Variants in XPNPEP3 observed in about 807,000 individuals in gnomAD.
XPNPEP3 encodes X-prolyl aminopeptidase 3.
XPNPEP3 carries 41 observed loss-of-function variants against 60.0 expected under a neutral mutation model. The ratio of observed to expected loss-of-function variants is 0.68; its 90% CI spans 0.53 to 0.89. XPNPEP3 has a LOEUF of 0.89. Among genes scored for constraint, XPNPEP3 ranks in the 40% least tolerant of loss-of-function variants. The pLI is 0.00. For missense variants in XPNPEP3, 598 were observed against 638.9 expected, an observed-to-expected ratio of 0.94 and a Z score of 0.69; for synonymous variants, 212 against 223.2, an observed-to-expected ratio of 0.95 and a Z score of 0.45.
chr22:40,873,254 G>A (rs1015318422), intron 2 of XPNPEP3, among the ~76,000 whole-genome samples: 3 of 151,170 alleles, frequency 2.0e-5, no homozygotes, highest in Non-Finnish European at 2.9e-5. Context: ...ACACGTGTGC[G>A]CCACCACACC....
At chr22:40,905,166 A>G (rs1407828149) in intron 4 of XPNPEP3, among the ~76,000 whole-genome samples, 3 of 151,226 alleles carry the variant, frequency 2.0e-5, no homozygotes, top group East Asian at 1.9e-4. Flanking sequence ...TGCAACCACT[A>G]TCTCCCAGGT....
At chr22:40,889,015 TTTTG>T (rs1250833926) in intron 4 of XPNPEP3, among the ~76,000 whole-genome samples, 2 of 151,584 alleles carry the variant, frequency 1.3e-5, no homozygotes, top group Admixed American at 6.6e-5. Flanking sequence ...ATGGTTTTTT[TTTTG>T]TTTTGTTTTG....
intron 7 of XPNPEP3, among the ~76,000 whole-genome samples, chr22:40,920,196 C>T (rs2058211093): frequency 6.6e-6 from 1 of 152,012 alleles, no homozygotes; most frequent in South Asian, 2.1e-4. Flanking sequence ...GGCAGAAACC[C>T]ATCTCTACTC....
At position 40,929,403 on chromosome 22, in the gene XPNPEP3, G is replaced by A. The variant is rs2058246979; in HGVS notation, c.*2968G>A. The A allele has an allele frequency of 6.6e-6, 1 of 151,942 alleles. No homozygotes were observed. Among genetic ancestry groups the A allele is most frequent in the South Asian group, 2.1e-4 (1 of 4,824 alleles). The allele number at this position is 151,942 out of a possible 1,614,324, so 9.4% of individuals were successfully genotyped here. On this transcript the variant is annotated 3_prime_UTR_variant, in exon 10 of 10. Transcript: ENST00000357137. Reference sequence around the variant, plus strand: ...AGACGAGGTTTCACTGTGTTGGCCAGGCTGGTCTCGAACTCCTGACCTCAT... The same window carrying A: ...AGACGAGGTTTCACTGTGTTGGCCAAGCTGGTCTCGAACTCCTGACCTCAT...
intron 4 of XPNPEP3, among the ~76,000 whole-genome samples, chr22:40,906,833 G>A (rs1204977881): frequency 1.3e-5 from 2 of 152,214 alleles, no homozygotes; most frequent in Non-Finnish European, 2.9e-5. Context: ...TGGAGGCTGG[G>A]AAGTCCAAGG....
chr22:40,911,182 G>A (rs2058175804), intron 6 of XPNPEP3, among the ~76,000 whole-genome samples: 1 of 151,770 alleles, frequency 6.6e-6, no homozygotes, highest in South Asian at 2.1e-4. Context: ...GCATCTCTTT[G>A]TGCTCTTAAT....
At position 40,926,349 on chromosome 22, in the gene XPNPEP3, G is replaced by T; in HGVS notation, c.1438G>T (p.Val480Leu). ...TGTACGAATTGAGGATGATGTAGTGGTGACTCAGGACTCACCTCTCATCCT... is the reference window on the plus strand; with the variant it reads ...TGTACGAATTGAGGATGATGTAGTGTTGACTCAGGACTCACCTCTCATCCT... Reference protein sequence around the residue: ...LGVRIEDDVVVTQDSPLILSA... With the variant: ...LGVRIEDDVVLTQDSPLILSA... The change falls in exon 10 of 10, where the codon GTG becomes TTG. Residue 480 changes from valine to leucine, a missense_variant. Transcript: ENST00000357137. 1 of 1,614,128 alleles carries T rather than the reference G, an allele frequency of 6.2e-7. No individual in the cohort carries two copies. Among genetic ancestry groups the T allele is most frequent in the Non-Finnish European group, 8.5e-7 (1 of 1,180,024 alleles).
At chr22:40,905,640 C>T (rs1007811488) in intron 4 of XPNPEP3, among the ~76,000 whole-genome samples, 4 of 151,926 alleles carry the variant, frequency 2.6e-5, no homozygotes, top group East Asian at 3.9e-4. Flanking sequence ...ATGGGATAGT[C>T]GGGAAGGGCC....
intron 4 of XPNPEP3, among the ~76,000 whole-genome samples, chr22:40,898,143 T>C (rs2146262682): frequency 6.6e-6 from 1 of 150,646 alleles, no homozygotes; most frequent in African/African-American, 2.4e-5. Flanking sequence ...TCCAAGAAAA[T>C]ATTACCAAAT....
At chr22:40,870,371 A>G (rs899047793) in intron 2 of XPNPEP3, 1 of 227,286 alleles carries the variant, frequency 4.4e-6, no homozygotes, top group African/African-American at 2.3e-5. Flanking sequence ...TTTTTGCTCT[A>G]TACCTTAAGT....
intron 1 of XPNPEP3, among the ~76,000 whole-genome samples, chr22:40,867,166 G>C (rs928234298): frequency 2.0e-5 from 3 of 152,188 alleles, no homozygotes; most frequent in Non-Finnish European, 1.5e-5. Flanking sequence ...TAACTGTCAC[G>C]TGAGGTAGGC....
At chr22:40,873,732 G>A (rs1016621961) in intron 2 of XPNPEP3, among the ~76,000 whole-genome samples, 3 of 152,122 alleles carry the variant, frequency 2.0e-5, no homozygotes, top group Non-Finnish European at 4.4e-5. Context: ...GGGAAGTCAA[G>A]GCTGCAGTCA....
intron 4 of XPNPEP3, among the ~76,000 whole-genome samples, chr22:40,903,853 C>G (rs995800058): frequency 3.8e-5 from 5 of 131,484 alleles, no homozygotes; most frequent in African/African-American, 1.4e-4. Context: ...TAAGGGATCC[C>G]TCCCCCCATC....
At chr22:40,882,364 C>T (rs1464368893) in intron 3 of XPNPEP3, among the ~76,000 whole-genome samples, 187 bp downstream of exon 3, 1 of 152,100 alleles carries the variant, frequency 6.6e-6, no homozygotes, top group Non-Finnish European at 1.5e-5. Flanking sequence ...ATGCCTGGTG[C>T]ATTGGCTCAC....
intron 2 of XPNPEP3, among the ~76,000 whole-genome samples, chr22:40,876,653 A>T (rs1218203827): frequency 6.6e-6 from 1 of 151,954 alleles, no homozygotes; most frequent in Non-Finnish European, 1.5e-5. Flanking sequence ...GCCAAACATA[A>T]TACCTGTGTC....
At chr22:40,915,674 T>C (rs1466834884) in intron 7 of XPNPEP3, among the ~76,000 whole-genome samples, 1 of 151,910 alleles carries the variant, frequency 6.6e-6, no homozygotes, top group Non-Finnish European at 1.5e-5. Context: ...ATTTAAGATA[T>C]CAAATGATAG....
intron 1 of XPNPEP3, chr22:40,861,740 C>T (rs202007041): frequency 6.2e-7 from 1 of 1,613,734 alleles, no homozygotes; most frequent in South Asian, 1.1e-5. Flanking sequence ...TGAAGCCGTA[C>T]TCACATTCAT....
chr22:40,882,321 T>C (rs555125327), intron 3 of XPNPEP3, 144 bp downstream of exon 3: 2 of 966,922 alleles, frequency 2.1e-6, no homozygotes, highest in Non-Finnish European at 3.1e-6. Flanking sequence ...AAAGTCTTTT[T>C]CAGAAGATTG....
At chr22:40,903,244 A>G (rs986584163) in intron 4 of XPNPEP3, among the ~76,000 whole-genome samples, 1 of 152,222 alleles carries the variant, frequency 6.6e-6, no homozygotes, top group East Asian at 1.9e-4. Context: ...ATAATAGCAC[A>G]CAAACATTTC....
Sources: gnomAD v4.1 joint callset for allele counts (sites outside exome capture counted in the v4.1 genomes callset) on GRCh38, gnomAD v4.1.1 for gene constraint, MANE v1.5 for transcripts, NCBI Gene and HGNC (gene_info 2026-07-23, HGNC 2026-07-21) for gene names.